Variants in CNTNAP2 observed in about 807,000 individuals in gnomAD.
CNTNAP2 encodes contactin associated protein 2, also known as contactin-associated protein-like 2.
Under a neutral mutation model 155.2 loss-of-function variants are expected in CNTNAP2, and 98 were observed. The ratio of observed to expected loss-of-function variants is 0.63; its 90% CI spans 0.54 to 0.75. The LOEUF is 0.75. CNTNAP2 is among the 30% of genes least tolerant of loss of function. The pLI, the probability that CNTNAP2 is intolerant of heterozygous loss-of-function variation, is 0.00. For missense variants in CNTNAP2, 1,727 were observed against 1,688.1 expected, an observed-to-expected ratio of 1.02 and a Z score of -0.40; for synonymous variants, 651 against 631.2, an observed-to-expected ratio of 1.03 and a Z score of -0.47.
intron 1 of CNTNAP2, among the ~76,000 whole-genome samples, chr7:146,269,742 A>G (rs1800050284): frequency 6.6e-6 from 1 of 152,194 alleles, no homozygotes; most frequent in South Asian, 2.1e-4. Flanking sequence ...ATTAATTCCA[A>G]CTAACTCTGT....
chr7:147,166,085 T>C (rs1802107518), intron 8 of CNTNAP2, among the ~76,000 whole-genome samples: 1 of 152,078 alleles, frequency 6.6e-6, no homozygotes, highest in Non-Finnish European at 1.5e-5. Context: ...GACACAAAAG[T>C]TTATAGCAAC....
chr7:146,868,637 C>T lies in CNTNAP2; in HGVS notation c.402+28733C>T, dbSNP rs1040002409. Reference sequence around the variant, plus strand: ...GCCATATTAATGATATTGATTCTTCCTATCCATGAGCATGGGAGGTTTTTT... The same window carrying T: ...GCCATATTAATGATATTGATTCTTCTTATCCATGAGCATGGGAGGTTTTTT... On this transcript the variant is annotated intron_variant, in intron 3 of 23. Transcript: ENST00000361727. 3.3e-5 allele frequency among the ~76,000 whole-genome samples: 5 copies of T among 152,120 alleles called. No individual in the cohort carries two copies. In the East Asian group the frequency reaches 9.6e-4, roughly 29 times the overall value.
At chr7:147,331,230 G>T (rs1563163740) in intron 9 of CNTNAP2, among the ~76,000 whole-genome samples, 1 of 152,098 alleles carries the variant, frequency 6.6e-6, no homozygotes, top group East Asian at 1.9e-4. Context: ...CCTGGTAAAA[G>T]CTAAAGAGAA....
intron 15 of CNTNAP2, among the ~76,000 whole-genome samples, chr7:148,024,156 G>A (rs1802333479): frequency 1.1e-4 from 1 of 8,700 alleles, no homozygotes; most frequent in Non-Finnish European, 2.3e-4. Flanking sequence ...CCTTTAAAGT[G>A]TAAAAAAAAA....
At chr7:147,837,771 C>A (rs189667554) in intron 13 of CNTNAP2, among the ~76,000 whole-genome samples, 62 of 152,316 alleles carry the variant, frequency 4.1e-4, no homozygotes, top group Middle Eastern at 3.4e-3. Flanking sequence ...GCTGTCAAAT[C>A]TTAAAGCTCC....
At chr7:146,455,566 T>G (rs1047780844) in intron 1 of CNTNAP2, among the ~76,000 whole-genome samples, 1 of 152,222 alleles carries the variant, frequency 6.6e-6, no homozygotes, top group Admixed American at 6.5e-5. Context: ...CGTTTCTTAA[T>G]TAGTTCTTCT....
intron 15 of CNTNAP2, among the ~76,000 whole-genome samples, chr7:148,020,094 T>C (rs73168547): frequency 0.026 from 3,953 of 152,310 alleles, 84 homozygotes; most frequent in South Asian, 0.055. Flanking sequence ...GCCAGAGTAT[T>C]ATTTAATTCT....
intron 1 of CNTNAP2, among the ~76,000 whole-genome samples, chr7:146,182,576 C>A (rs1584790657): frequency 6.6e-6 from 1 of 152,136 alleles, no homozygotes; most frequent in South Asian, 2.1e-4. Context: ...CATGTTTATG[C>A]ATCTTTTCTT....
chr7:147,103,499 G>T (rs1427908702), intron 4 of CNTNAP2, among the ~76,000 whole-genome samples: 1 of 151,900 alleles, frequency 6.6e-6, no homozygotes, highest in Non-Finnish European at 1.5e-5. Flanking sequence ...AAGTGACTTG[G>T]TATTTATTTG....
chr7:147,138,506 CT>C (rs1563090286), intron 8 of CNTNAP2, among the ~76,000 whole-genome samples: 1 of 151,934 alleles, frequency 6.6e-6, no homozygotes, highest in Non-Finnish European at 1.5e-5. Flanking sequence ...ACCCAACTGA[CT>C]TTTTATTATA....
intron 1 of CNTNAP2, among the ~76,000 whole-genome samples, chr7:146,150,887 A>G (rs1454223073): frequency 2.0e-5 from 3 of 152,076 alleles, no homozygotes; most frequent in South Asian, 2.1e-4. Flanking sequence ...TCACACTGCT[A>G]TAAAGAAAAA....
At chr7:146,535,499 T>G (rs992297591) in intron 1 of CNTNAP2, among the ~76,000 whole-genome samples, 1 of 111,996 alleles carries the variant, frequency 8.9e-6, no homozygotes, top group African/African-American at 5.0e-5. Context: ...AATTTTTACT[T>G]CTTTTTAAGT....
chr7:147,056,942 T>A (rs1799573173), intron 4 of CNTNAP2, among the ~76,000 whole-genome samples: 1 of 151,990 alleles, frequency 6.6e-6, no homozygotes, highest in South Asian at 2.1e-4. Flanking sequence ...AGCTTATTTT[T>A]TTTATTTATA....
chr7:148,370,004 G>A (rs1798857801), intron 21 of CNTNAP2, among the ~76,000 whole-genome samples: 1 of 152,148 alleles, frequency 6.6e-6, no homozygotes, highest in Non-Finnish European at 1.5e-5. Context: ...TCCAAGGGAT[G>A]TAAAGATTTG....
intron 1 of CNTNAP2, among the ~76,000 whole-genome samples, chr7:146,351,574 C>T (rs1794915442): frequency 3.3e-5 from 5 of 152,240 alleles, no homozygotes; most frequent in East Asian, 1.9e-4. Context: ...TTACCTGTAT[C>T]ATTAAACCCC....
intron 10 of CNTNAP2, among the ~76,000 whole-genome samples, chr7:147,424,643 A>G (rs1797349787): frequency 6.6e-6 from 1 of 152,146 alleles, no homozygotes; most frequent in Non-Finnish European, 1.5e-5. Context: ...ATGTTGACTT[A>G]TCTCTCTAGC....
chr7:147,680,787 TATACA>T (rs952847354), intron 13 of CNTNAP2, among the ~76,000 whole-genome samples: 22 of 151,784 alleles, frequency 1.4e-4, no homozygotes, highest in African/African-American at 4.8e-4. Flanking sequence ...TATAATTTAT[TATACA>T]ATACATTATA....
At chr7:146,589,372 G>A (rs995354581) in intron 1 of CNTNAP2, among the ~76,000 whole-genome samples, 1 of 152,142 alleles carries the variant, frequency 6.6e-6, no homozygotes, top group African/African-American at 2.4e-5. Context: ...GTAATAGACT[G>A]GATAAAGAAA....
chr7:147,054,089 G>A (rs1278545766), intron 4 of CNTNAP2, among the ~76,000 whole-genome samples: 2 of 152,028 alleles, frequency 1.3e-5, no homozygotes. Context: ...CTCTCCTCTG[G>A]TTCATTCTTC....
Sources: gnomAD v4.1 joint callset for allele counts (sites outside exome capture counted in the v4.1 genomes callset) on GRCh38, gnomAD v4.1.1 for gene constraint, MANE v1.5 for transcripts, NCBI Gene and HGNC (gene_info 2026-07-23, HGNC 2026-07-21) for gene names.